Variants in MBD5 observed in about 807,000 individuals in gnomAD.
The protein encoded by MBD5 is methyl-CpG binding domain protein 5, also known as methyl-CpG-binding domain protein 5.
Under a neutral mutation model 117.3 loss-of-function variants are expected in MBD5, and 13 were observed. The ratio of observed to expected loss-of-function variants is 0.11; its 90% CI spans 0.07 to 0.18. MBD5 has a LOEUF of 0.18. MBD5 is among the 10% of genes least tolerant of loss of function. The pLI is 1.00. For missense variants in MBD5, 1,879 were observed against 2,093.8 expected (o/e 0.90, Z 2.00); for synonymous variants, 727 against 766.4 (o/e 0.95, Z 0.85).
Position 148,145,357 on chromosome 2 carries a change from A to G in MBD5, c.-924-33343A>G, listed in dbSNP as rs1697429114. 1.3e-5 allele frequency among the ~76,000 whole-genome samples: 2 copies of G among 152,182 alleles called. 1 individual carries two copies. The highest frequency in any genetic ancestry group is 4.1e-4 in the South Asian group (2 of 4,824). ...CTTAAGGAGATTTTGGGCTGAGACG[A>G]TGGAGTTTTCTAAATATACAATTAT... On this transcript the variant is annotated intron_variant, in intron 1 of 13. Coordinates refer to ENST00000642680, the MANE Select transcript of MBD5 (RefSeq NM_001378120.1).
intron 1 of MBD5, among the ~76,000 whole-genome samples, chr2:148,024,609 C>T (rs1487217617): frequency 6.6e-6 from 1 of 152,144 alleles, no homozygotes; most frequent in Non-Finnish European, 1.5e-5. Flanking sequence ...CTTGTCCTCC[C>T]TTGCCACAAT....
intron 4 of MBD5, among the ~76,000 whole-genome samples, chr2:148,424,690 G>T (rs555131308): frequency 6.6e-6 from 1 of 152,262 alleles, no homozygotes; most frequent in African/African-American, 2.4e-5. Context: ...CAGTCTCTCA[G>T]ACCACAGTGC....
At chr2:148,446,532 A>G (rs916953592) in intron 4 of MBD5, among the ~76,000 whole-genome samples, 1 of 151,854 alleles carries the variant, frequency 6.6e-6, no homozygotes, top group Non-Finnish European at 1.5e-5. Flanking sequence ...CTCAAGAGTG[A>G]TGAGCCCGTG....
chr2:148,513,780 A>G lies in MBD5; in HGVS notation c.*839A>G, dbSNP rs1420382891. ...AAAAAAATCTTAGATGGAATATTTT[A>G]CTCAGCCATTTCTGTAGTTAACATT... On this transcript the variant is annotated 3_prime_UTR_variant, in exon 14 of 14. Transcript: ENST00000642680. 6.6e-6 allele frequency: 1 copy of G among 152,196 alleles called. No individual in the cohort carries two copies. The highest frequency in any genetic ancestry group is 1.5e-5 in the Non-Finnish European group (1 of 68,026). 9.4% of individuals were successfully genotyped at this position (152,196 alleles called of 1,614,324 possible).
Position 148,483,489 on chromosome 2 carries a change from C to G in MBD5, c.2898C>G (p.Asn966Lys). Residue 966 changes from asparagine to lysine, a missense_variant, in exon 9 of 14, where the codon AAC becomes AAG. Coordinates refer to ENST00000642680, the MANE Select transcript of MBD5 (RefSeq NM_001378120.1). ...TAGGTTTTCTCAACCCGAATGTAAA[C>G]GCTGCTTTAGCTTTTCTCTCCAGTG... ...HPLGFLNPNVNAALAFLSSDM... is the reference protein window; with the variant it reads ...HPLGFLNPNVKAALAFLSSDM... 2 of 1,613,718 alleles carry G rather than the reference C, an allele frequency of 1.2e-6. No individual in the cohort carries two copies. The highest frequency in any genetic ancestry group is 1.7e-6 in the Non-Finnish European group (2 of 1,179,804).
intron 3 of MBD5, chr2:148,296,562 T>C: frequency 6.0e-6 from 1 of 166,566 alleles, no homozygotes; most frequent in Non-Finnish European, 1.3e-5. Flanking sequence ...TTGCAGGTAT[T>C]CCCAAAATTG....
At chr2:148,066,899 ACTT>A (rs1048508394) in intron 1 of MBD5, among the ~76,000 whole-genome samples, 7 of 152,112 alleles carry the variant, frequency 4.6e-5, no homozygotes, top group African/African-American at 1.2e-4. Context: ...TGTCAGAAAG[ACTT>A]CTTTTCTCAT....
chr2:148,210,483 TG>T (rs1458010053), intron 2 of MBD5, among the ~76,000 whole-genome samples: 1 of 152,054 alleles, frequency 6.6e-6, no homozygotes, highest in African/African-American at 2.4e-5. Flanking sequence ...TTTTTAATAT[TG>T]TTAAACTTTT....
intron 8 of MBD5, among the ~76,000 whole-genome samples, chr2:148,482,614 A>C (rs1681194047): frequency 1.3e-5 from 2 of 152,166 alleles, no homozygotes; most frequent in Non-Finnish European, 2.9e-5. Flanking sequence ...TTTCTGCCTT[A>C]TATTTTTATG....
Position 148,337,679 on chromosome 2 carries a change from A to T in MBD5, c.-679-4535A>T, listed in dbSNP as rs201824033. ...TTCTATGTCATGTGAATAACCTATT[A>T]AAAAAAATAGATACCAGATAATTAT... is the stretch of plus-strand genomic sequence containing the variant. On this transcript the variant is annotated intron_variant, in intron 3 of 13. Coordinates refer to ENST00000642680, the MANE Select transcript of MBD5 (RefSeq NM_001378120.1). 1.4e-4 allele frequency among the ~76,000 whole-genome samples: 11 copies of T among 77,788 alleles called. No homozygotes were observed. In the East Asian group the frequency reaches 3.1e-3, roughly 22 times the overall value. 51.0% of individuals were successfully genotyped at this position (77,788 alleles called of 152,430 possible).
chr2:148,204,591 T>C (rs141657432), intron 2 of MBD5, among the ~76,000 whole-genome samples: 77 of 152,314 alleles, frequency 5.1e-4, no homozygotes, highest in African/African-American at 1.7e-3. Flanking sequence ...AGGTCAATAA[T>C]AGAAGGGGAA....
intron 3 of MBD5, among the ~76,000 whole-genome samples, chr2:148,294,565 C>T (rs868014470): frequency 2.4e-5 from 3 of 127,468 alleles, no homozygotes; most frequent in Middle Eastern, 6.3e-3. Context: ...TGCAGCCGTG[C>T]GATCTCAGCT....
At chr2:148,074,480 G>GTTTT (rs1251751988) in intron 1 of MBD5, among the ~76,000 whole-genome samples, 2 of 123,478 alleles carry the variant, frequency 1.6e-5, no homozygotes, top group Non-Finnish European at 1.7e-5. Context: ...CAAAGGAATA[G>GTTTT]TTTGTTTTTT....
chr2:148,411,982 T>G, intron 4 of MBD5, among the ~76,000 whole-genome samples: 1 of 152,192 alleles, frequency 6.6e-6, no homozygotes. Context: ...TTTTATAGTT[T>G]AAAGTTTTAC....
intron 3 of MBD5, among the ~76,000 whole-genome samples, chr2:148,275,811 G>C (rs1328229355): frequency 6.6e-6 from 1 of 151,718 alleles, no homozygotes; most frequent in Non-Finnish European, 1.5e-5. Flanking sequence ...CTTAATATGA[G>C]TTCTAGGAGA....
chr2:148,059,567 G>A (rs912302674), intron 1 of MBD5, among the ~76,000 whole-genome samples: 1 of 152,170 alleles, frequency 6.6e-6, no homozygotes, highest in Non-Finnish European at 1.5e-5. Context: ...GTCGAAGGAG[G>A]CCGGGCGCGG....
chr2:148,325,261 A>G (rs1025469619), intron 3 of MBD5, among the ~76,000 whole-genome samples: 17 of 152,172 alleles, frequency 1.1e-4, no homozygotes, highest in Non-Finnish European at 2.2e-4. Context: ...GGATTTTTGC[A>G]TCAATGTTCA....
chr2:148,127,905 G>A (rs1334947931), intron 1 of MBD5, among the ~76,000 whole-genome samples: 1 of 152,070 alleles, frequency 6.6e-6, no homozygotes, highest in East Asian at 1.9e-4. Flanking sequence ...GTTGTTTCTT[G>A]ACTTTTTAAT....
intron 1 of MBD5, among the ~76,000 whole-genome samples, chr2:148,065,897 CAT>C (rs778192745): frequency 1.5e-4 from 23 of 152,276 alleles, no homozygotes; most frequent in South Asian, 1.2e-3. Context: ...GTTAATAAGA[CAT>C]ATCTGTAATT....
Sources: allele counts gnomAD v4.1 joint callset (sites outside exome capture counted in the v4.1 genomes callset), GRCh38; gene constraint gnomAD v4.1.1; transcripts MANE v1.5; gene names NCBI Gene and HGNC (gene_info 2026-07-23, HGNC 2026-07-21).